Variants in TMEM19 observed in about 807,000 individuals in gnomAD.
The protein encoded by TMEM19 is transmembrane protein 19.
A neutral mutation model predicts 33.6 loss-of-function variants in TMEM19; 21 were observed. The ratio of observed to expected loss-of-function variants is 0.62; its 90% CI spans 0.44 to 0.90. The LOEUF is 0.90. Among genes scored for constraint, TMEM19 ranks in the 40% least tolerant of loss-of-function variants. TMEM19 has a pLI of 0.00. For missense variants in TMEM19, 402 were observed against 401.8 expected, an observed-to-expected ratio of 1.00 and a Z score of 0.00; for synonymous variants, 149 against 147.5, an observed-to-expected ratio of 1.01 and a Z score of -0.07.
chr12:71,700,725 A>G (rs1392776172), intron 5 of TMEM19, 107 bp from the exon 6 acceptor site: 3 of 1,135,300 alleles, frequency 2.6e-6, no homozygotes, highest in Admixed American at 6.0e-5. Flanking sequence ...AATCAAGTAC[A>G]TGTACCCTAG....
At position 71,698,934 on chromosome 12, in the gene TMEM19, C is replaced by T. The variant is rs758132379; in HGVS notation, c.672C>T (p.Val224=). The T allele has an allele frequency of 1.2e-6, 2 of 1,614,024 alleles. No homozygotes were observed. Among genetic ancestry groups the T allele is most frequent in the Non-Finnish European group, 1.7e-6 (2 of 1,180,038 alleles). The part of the protein sequence containing the change: ...TNGGVTVVGL[V]SSLLGGTFVG... ...GAGGAGTTACAGTGGTGGGCCTTGT[C>T]TCCAGTCTCCTTGGTGGTACCTTTG... The change falls in exon 5 of 6, where the codon GTC becomes GTT. Residue 224 remains valine, a synonymous_variant. Coordinates refer to ENST00000266673, the MANE Select transcript of TMEM19 (RefSeq NM_018279.4).
chr12:71,691,111 T>G (rs2137593119), intron 2 of TMEM19, among the ~76,000 whole-genome samples: 1 of 152,310 alleles, frequency 6.6e-6, no homozygotes, highest in South Asian at 2.1e-4. Flanking sequence ...CCTGGACACA[T>G]AGCCAACATT....
chr12:71,687,715 A>G (rs1194307620), intron 1 of TMEM19, among the ~76,000 whole-genome samples: 1 of 152,246 alleles, frequency 6.6e-6, no homozygotes, highest in East Asian at 1.9e-4. Flanking sequence ...CTAAAGCTAC[A>G]TTGCTTAAAT....
At chr12:71,694,162 C>T (rs1005463589) in intron 2 of TMEM19, among the ~76,000 whole-genome samples, 2 of 152,142 alleles carry the variant, frequency 1.3e-5, no homozygotes, top group African/African-American at 4.8e-5. Context: ...GAGGATTAGG[C>T]AGGGGTTCAG....
intron 2 of TMEM19, 44 bp from the exon 3 acceptor site, chr12:71,696,392 G>A (rs375309692): frequency 2.2e-5 from 32 of 1,454,640 alleles, no homozygotes; most frequent in Non-Finnish European, 3.0e-5. Context: ...CAGCATTGAT[G>A]TATGAATTGA....
chr12:71,686,530 T>A lies in TMEM19; in HGVS notation c.-151T>A, dbSNP rs1881691968. The A allele has an allele frequency of 2.4e-6, 2 of 840,268 alleles. No individual in the cohort carries two copies. Among genetic ancestry groups the A allele is most frequent in the East Asian group, 6.0e-5 (2 of 33,072 alleles). The allele number at this position is 840,268 out of a possible 1,614,324, so 52.1% of individuals were successfully genotyped here. A position where few individuals can be genotyped will look rare whatever the true frequency, so the allele number is the denominator to read the frequency against. On this transcript the variant is annotated 5_prime_UTR_variant, in exon 1 of 6. The change creates a premature stop within an existing upstream ORF in the 5' untranslated region. Transcript: ENST00000266673. The stretch of plus-strand genomic sequence containing the variant: ...CCAGTAGGAGTTTCCGGAAGGAGTT[T>A]GAATTTTTGTGATTTTTATGCTTGT...
At chr12:71,689,521 G>A (rs751443143) in intron 1 of TMEM19, 70 bp from the exon 2 acceptor site, 14 of 1,136,838 alleles carry the variant, frequency 1.2e-5, no homozygotes, top group African/African-American at 1.5e-5. Context: ...AAGCAGTAAC[G>A]GAAGTTTACT....
chr12:71,699,236 G>A (rs2137599733), intron 5 of TMEM19, 127 bp downstream of exon 5: 1 of 944,904 alleles, frequency 1.1e-6, no homozygotes, highest in Non-Finnish European at 1.6e-6. Flanking sequence ...AAATGATAGG[G>A]CAAAGTCTCT....
At chr12:71,689,763 AT>A in intron 2 of TMEM19, 59 bp downstream of exon 2, 1 of 1,197,608 alleles carries the variant, frequency 8.3e-7, no homozygotes, top group Non-Finnish European at 1.2e-6. Context: ...TATAATTTAA[AT>A]TTATGTTTTC....
chr12:71,697,068 G>A (rs983065940), intron 3 of TMEM19, among the ~76,000 whole-genome samples: 1 of 152,166 alleles, frequency 6.6e-6, no homozygotes, highest in Non-Finnish European at 1.5e-5. Context: ...AATGACAGCA[G>A]AATTTTAGAA....
At position 71,704,050 on chromosome 12, in the gene TMEM19, A is replaced by G. The variant is rs897487303; in HGVS notation, c.*3055A>G. Reference sequence around the variant, plus strand: ...AACAGCATAATAAAACTGCCTACCTAGCAGCATAAAGGTGTACTGTTTCTT... The same window carrying G: ...AACAGCATAATAAAACTGCCTACCTGGCAGCATAAAGGTGTACTGTTTCTT... On this transcript the variant is annotated 3_prime_UTR_variant, in exon 6 of 6. Coordinates refer to ENST00000266673, the MANE Select transcript of TMEM19 (RefSeq NM_018279.4). The G allele has an allele frequency of 2.2e-6, 1 of 451,660 alleles. No homozygotes were observed. The allele number at this position is 451,660 out of a possible 1,614,324, so 28.0% of individuals were successfully genotyped here.
chr12:71,701,112 T>C lies in TMEM19; in HGVS notation c.*117T>C. 3 of 1,072,816 alleles carry C rather than the reference T, an allele frequency of 2.8e-6. No individual in the cohort carries two copies. Among genetic ancestry groups the C allele is most frequent in the Non-Finnish European group, 3.9e-6 (3 of 769,088 alleles). 66.5% of individuals were successfully genotyped at this position (1,072,816 alleles called of 1,614,324 possible). A position where few individuals can be genotyped will look rare whatever the true frequency, so the allele number is the denominator to read the frequency against. On this transcript the variant is annotated 3_prime_UTR_variant, in exon 6 of 6. Transcript: ENST00000266673. ...AGCGGAAATGCCAGTTCCTCCTGTATTCCATTGAGATGGGATTTCACATTT... is the reference window on the plus strand; with the variant it reads ...AGCGGAAATGCCAGTTCCTCCTGTACTCCATTGAGATGGGATTTCACATTT...
At chr12:71,690,965 G>A (rs1054609798) in intron 2 of TMEM19, among the ~76,000 whole-genome samples, 2 of 152,224 alleles carry the variant, frequency 1.3e-5, no homozygotes, top group African/African-American at 4.8e-5. Flanking sequence ...GGTCAAAACT[G>A]TTGTACTCTT....
chr12:71,691,951 T>C (rs1166262150), intron 2 of TMEM19, among the ~76,000 whole-genome samples: 1 of 152,194 alleles, frequency 6.6e-6, no homozygotes, highest in Non-Finnish European at 1.5e-5. Flanking sequence ...TCCTCTCCTA[T>C]GTTGATTAGA....
chr12:71,691,162 C>T (rs1881778977), intron 2 of TMEM19, among the ~76,000 whole-genome samples: 1 of 152,156 alleles, frequency 6.6e-6, no homozygotes, highest in Non-Finnish European at 1.5e-5. Flanking sequence ...CAGAGTTCTT[C>T]AAAATCATGC....
intron 1 of TMEM19, among the ~76,000 whole-genome samples, chr12:71,689,263 G>GTATTCAGTA (rs1881743987): frequency 6.6e-6 from 1 of 152,120 alleles, no homozygotes; most frequent in African/African-American, 2.4e-5. Flanking sequence ...ATTGCCTGTA[G>GTATTCAGTA]TATTCAGTAC....
In TMEM19 at chr12:71,689,186, C is replaced by T. The variant is rs549992997; in HGVS notation, c.131-405C>T. On this transcript the variant is annotated intron_variant, in intron 1 of 5. Transcript: ENST00000266673. Reference sequence around the variant, plus strand: ...TGACAGACCACACATACAACATGTTCCCATAAGATTATAATACCATATTTT... The same window carrying T: ...TGACAGACCACACATACAACATGTTTCCATAAGATTATAATACCATATTTT... Among the ~76,000 whole-genome samples the T allele has an allele frequency of 3.9e-5, 6 of 152,258 alleles. No homozygotes were observed. In the South Asian group the frequency reaches 1.2e-3, roughly 32 times the overall value.
In TMEM19 at chr12:71,704,552, A is replaced by G. The variant is rs1212916832; in HGVS notation, c.*3557A>G. 6.6e-6 allele frequency: 1 copy of G among 152,288 alleles called. No homozygotes were observed. Among genetic ancestry groups the G allele is most frequent in the African/African-American group, 2.4e-5 (1 of 41,466 alleles). 9.4% of individuals were successfully genotyped at this position (152,288 alleles called of 1,614,324 possible). A position where few individuals can be genotyped will look rare whatever the true frequency, so the allele number is the denominator to read the frequency against. On this transcript the variant is annotated 3_prime_UTR_variant, in exon 6 of 6. Transcript: ENST00000266673. ...TGAATTGTGGTGTGCTTTAAAAATG[A>G]AAACACAGCCGGACGAGGTGGCTTA...
At chr12:71,697,926 A>C (rs567952949) in intron 4 of TMEM19, among the ~76,000 whole-genome samples, 1 of 152,330 alleles carries the variant, frequency 6.6e-6, no homozygotes, top group Admixed American at 6.5e-5. Context: ...CTCAAATCTG[A>C]AAATCCAAAA....
Sources: allele counts gnomAD v4.1 joint callset (sites outside exome capture counted in the v4.1 genomes callset), GRCh38; gene constraint gnomAD v4.1.1; transcripts MANE v1.5; gene names NCBI Gene and HGNC (gene_info 2026-07-23, HGNC 2026-07-21).